The following HDAC4 variants were observed in gnomAD, a reference collection of about 807,000 sequenced individuals.
HDAC4 encodes histone deacetylase A.
In HDAC4, 16 loss-of-function variants were observed where a neutral mutation model predicts 135.1. That is an observed-to-expected ratio of 0.12 (90% CI 0.08 to 0.18). The LOEUF (loss-of-function observed/expected upper bound fraction) is 0.18. Ranked by LOEUF, HDAC4 falls within the 10% of genes least tolerant of loss-of-function variation. HDAC4 has a pLI of 1.00. For synonymous variants in HDAC4, 685 were observed against 653.4 expected (o/e 1.05, Z -0.74); for missense variants, 1,143 against 1,511.8 (o/e 0.76, Z 4.05).
At chr2:239,154,543 G>C (rs767228250) in intron 7 of HDAC4, 2 of 152,232 alleles carry the variant, frequency 1.3e-5, no homozygotes, top group African/African-American at 4.8e-5. Flanking sequence ...TCTAGGGCAG[G>C]GTTCTTCCGG....
At chr2:239,228,086 C>T (rs2047343598) in intron 3 of HDAC4, among the ~76,000 whole-genome samples, 2 of 152,168 alleles carry the variant, frequency 1.3e-5, no homozygotes, top group Non-Finnish European at 2.9e-5. Context: ...AGGGCAGAGC[C>T]ACGAACCTGG....
In HDAC4 at chr2:239,376,540, C is replaced by T. The variant is rs140918598; in HGVS notation, c.-219-23622G>A. Among the ~76,000 whole-genome samples, 106 of 152,364 alleles carry T rather than the reference C, an allele frequency of 7.0e-4. 1 individual carries two copies. The East Asian group carries it at 0.018, about 26-fold the overall frequency. ...TGTCGACCGCCCTGGCCCGAAGGCA[C>T]GTGTCTACTACCATCAGTAACATGG... On this transcript the variant is annotated intron_variant, in intron 1 of 26. Coordinates refer to ENST00000543185, the MANE Select transcript of HDAC4 (RefSeq NM_001378414.1).
chr2:239,367,021 C>T (rs564559890), intron 1 of HDAC4, among the ~76,000 whole-genome samples: 3 of 136,786 alleles, frequency 2.2e-5, no homozygotes, highest in East Asian at 3.9e-4. Flanking sequence ...CAGGCACTTG[C>T]GGATGGAAAA....
chr2:239,221,597 C>A (rs567917202), intron 3 of HDAC4, among the ~76,000 whole-genome samples: 2 of 150,046 alleles, frequency 1.3e-5, no homozygotes, highest in African/African-American at 5.0e-5. Flanking sequence ...CCTCAAAGTG[C>A]GCTGAGAGTG....
At position 239,139,592 on chromosome 2, in the gene HDAC4, T is replaced by C; in HGVS notation, c.978+92A>G. ...TCACCCCAAATTGGAAGGTGAAGAG[T>C]GAAGGGCAAGTGCAAAGTGGGGTCA... is the stretch of plus-strand genomic sequence containing the variant. On this transcript the variant is annotated intron_variant, in intron 9 of 26. Transcript: ENST00000543185. The surrounding 1 kb of genome is among the most constrained non-coding windows in gnomAD (Gnocchi z 5.3). The C allele has an allele frequency of 8.6e-7, 1 of 1,159,046 alleles. No individual in the cohort carries two copies. Among genetic ancestry groups the C allele is most frequent in the African/African-American group, 1.5e-5 (1 of 66,206 alleles). 71.8% of individuals were successfully genotyped at this position (1,159,046 alleles called of 1,614,324 possible). A position where few individuals can be genotyped will look rare whatever the true frequency, so the allele number is the denominator to read the frequency against.
intron 2 of HDAC4, among the ~76,000 whole-genome samples, chr2:239,247,204 T>C (rs1358589818): frequency 1.3e-5 from 2 of 152,240 alleles, no homozygotes; most frequent in Non-Finnish European, 2.9e-5. Flanking sequence ...AAAGGCCCAC[T>C]TTTTCATGCT....
In HDAC4 at chr2:239,299,506, G is replaced by A. The variant is rs1269166365; in HGVS notation, c.22+53172C>T. On this transcript the variant is annotated intron_variant, in intron 2 of 26. Transcript: ENST00000543185. The surrounding 1 kb of genome is among the most constrained non-coding windows in gnomAD (Gnocchi z 4.0). Reference sequence around the variant, plus strand: ...AAGAGACATGCACACGAGGCAGGGCGAGTGGTGTTTATTACAGCTGTACAA... The same window carrying A: ...AAGAGACATGCACACGAGGCAGGGCAAGTGGTGTTTATTACAGCTGTACAA... Among the ~76,000 whole-genome samples, 1 of 150,450 alleles carries A rather than the reference G, an allele frequency of 6.6e-6. No individual in the cohort carries two copies. Among genetic ancestry groups the A allele is most frequent in the Non-Finnish European group, 1.5e-5 (1 of 67,962 alleles).
chr2:239,345,909 T>A (rs1692609049), intron 2 of HDAC4, among the ~76,000 whole-genome samples: 1 of 138,558 alleles, frequency 7.2e-6, no homozygotes, highest in African/African-American at 2.8e-5. Flanking sequence ...CACACCCCCA[T>A]CTCACACACG....
At chr2:239,264,021 G>C (rs567517481) in intron 2 of HDAC4, among the ~76,000 whole-genome samples, 1 of 152,242 alleles carries the variant, frequency 6.6e-6, no homozygotes, top group East Asian at 1.9e-4. Flanking sequence ...TTTGGGGTGG[G>C]GGCCATCCTC....
At chr2:239,362,356 C>CATAGG (rs1239305583) in intron 1 of HDAC4, among the ~76,000 whole-genome samples, 1 of 152,218 alleles carries the variant, frequency 6.6e-6, no homozygotes, top group Non-Finnish European at 1.5e-5. Flanking sequence ...GTTCCTCCTC[C>CATAGG]CGCAGCTTGG....
chr2:239,328,145 A>T (rs1423695553), intron 2 of HDAC4, among the ~76,000 whole-genome samples: 2 of 152,220 alleles, frequency 1.3e-5, no homozygotes, highest in African/African-American at 2.4e-5. Flanking sequence ...TGCCTGAATC[A>T]GCCCTGAAAT....
chr2:239,376,622 G>T (rs1317206973), intron 1 of HDAC4, among the ~76,000 whole-genome samples: 1 of 152,260 alleles, frequency 6.6e-6, no homozygotes, highest in African/African-American at 2.4e-5. Flanking sequence ...GCCCCAGGGG[G>T]AGGTGATGAA....
chr2:239,310,276 C>T (rs1367331779), intron 2 of HDAC4, among the ~76,000 whole-genome samples: 1 of 152,224 alleles, frequency 6.6e-6, no homozygotes, highest in Non-Finnish European at 1.5e-5. Context: ...GTCTGGTTTG[C>T]CCCAGATGTG....
At position 239,383,250 on chromosome 2, in the gene HDAC4, C is replaced by T. The variant is rs1243890789; in HGVS notation, c.-220+17728G>A. Among the ~76,000 whole-genome samples, 3 of 152,178 alleles carry T rather than the reference C, an allele frequency of 2.0e-5. No individual in the cohort carries two copies. In the East Asian group the frequency reaches 5.8e-4, roughly 29 times the overall value. Reference sequence around the variant, plus strand: ...ACAGGGGGAATCCTCCACCATGATGCCCCTCACAAGCAGGAGGCCCTGGCA... The same window carrying T: ...ACAGGGGGAATCCTCCACCATGATGTCCCTCACAAGCAGGAGGCCCTGGCA... On this transcript the variant is annotated intron_variant, in intron 1 of 26. Coordinates refer to ENST00000543185, the MANE Select transcript of HDAC4 (RefSeq NM_001378414.1).
intron 19 of HDAC4, among the ~76,000 whole-genome samples, chr2:239,086,275 C>T (rs1407348774): frequency 3.5e-5 from 3 of 84,608 alleles, no homozygotes; most frequent in African/African-American, 1.4e-4. Flanking sequence ...CTGACTATCT[C>T]GCACGTAGTC....
rs2033775839 is a variant in HDAC4, at chr2:239,068,222, C to T, written c.2869+267G>A. On this transcript the variant is annotated intron_variant, in intron 23 of 26. Coordinates refer to ENST00000543185, the MANE Select transcript of HDAC4 (RefSeq NM_001378414.1). This position sits in a 1 kb window ranked among gnomAD's most constrained non-coding sequence, Gnocchi z 4.4. ...AGGTGGCCTGCAGGTCCCTAGGCAC[C>T]CGCATCCCAGAGAGGGAGCCTCGTG... Among the ~76,000 whole-genome samples, 1 of 152,192 alleles carries T rather than the reference C, an allele frequency of 6.6e-6. No homozygotes were observed. Among genetic ancestry groups the T allele is most frequent in the African/African-American group, 2.4e-5 (1 of 41,452 alleles).
chr2:239,055,583 GGTGGGCAC>G (rs920175827), intron 24 of HDAC4, among the ~76,000 whole-genome samples: 1 of 152,062 alleles, frequency 6.6e-6, no homozygotes, highest in African/African-American at 2.4e-5. Flanking sequence ...CAGGTATGGC[GGTGGGCAC>G]CTGTAGTCCC....
intron 3 of HDAC4, among the ~76,000 whole-genome samples, chr2:239,209,697 C>T (rs552541928): frequency 1.2e-4 from 19 of 152,312 alleles, no homozygotes; most frequent in African/African-American, 4.6e-4. Flanking sequence ...GCTCACTAGA[C>T]AGCCTTAAAA....
At chr2:239,190,141 C>A in intron 3 of HDAC4, 64 bp from the exon 4 acceptor site, 1 of 1,554,116 alleles carries the variant, frequency 6.4e-7, no homozygotes, top group Non-Finnish European at 8.6e-7. Flanking sequence ...GGCCCCAGAG[C>A]CCCCACCCAA....
Sources: allele counts gnomAD v4.1 joint callset (sites outside exome capture counted in the v4.1 genomes callset), GRCh38; gene constraint gnomAD v4.1.1; non-coding constraint Gnocchi (gnomAD v3.1); transcripts MANE v1.5; gene names NCBI Gene and HGNC (gene_info 2026-07-23, HGNC 2026-07-21).